Variants in TRDN observed in about 807,000 individuals in gnomAD.
TRDN encodes triadin.
Under a neutral mutation model 149.7 loss-of-function variants are expected in TRDN, and 161 were observed. The ratio of observed to expected loss-of-function variants is 1.08; its 90% CI spans 0.95 to 1.23. The LOEUF is 1.23. Ranked by LOEUF, TRDN falls within the 50% of genes most tolerant of loss-of-function variation. The pLI, the probability that TRDN is intolerant of heterozygous loss-of-function variation, is 0.00. For synonymous variants in TRDN, 294 were observed against 250.5 expected (o/e 1.17, Z -1.64); for missense variants, 896 against 823.5 (o/e 1.09, Z -1.08).
Position 123,327,935 on chromosome 6 carries a change from A to T in TRDN, c.1471+3944T>A, listed in dbSNP as rs142199566. ...TTTGTAATGCTATATAAATGCATAT[A>T]TGTGATCATATTACACATATTCATG... On this transcript the variant is annotated intron_variant, in intron 23 of 40. Transcript: ENST00000334268. Among the ~76,000 whole-genome samples, 5 of 152,318 alleles carry T rather than the reference A, an allele frequency of 3.3e-5. No individual in the cohort carries two copies. In the East Asian group the frequency reaches 9.6e-4, roughly 29 times the overall value.
chr6:123,490,881 G>C (rs768173939), intron 9 of TRDN, among the ~76,000 whole-genome samples: 1 of 152,264 alleles, frequency 6.6e-6, no homozygotes, highest in East Asian at 1.9e-4. Context: ...GAGGTGGGCG[G>C]ATCACGAGGT....
chr6:123,355,255 TA>T (rs1160847496), intron 20 of TRDN, among the ~76,000 whole-genome samples: 1 of 151,664 alleles, frequency 6.6e-6, no homozygotes, highest in African/African-American at 2.4e-5. Flanking sequence ...TGGTTTACGT[TA>T]ACAGGAGTTT....
chr6:123,312,092 G>A (rs1397298949), intron 24 of TRDN, among the ~76,000 whole-genome samples: 1 of 151,952 alleles, frequency 6.6e-6, no homozygotes, highest in Non-Finnish European at 1.5e-5. Flanking sequence ...ATCTGACAGA[G>A]GGGTTCCAGT....
intron 5 of TRDN, among the ~76,000 whole-genome samples, chr6:123,524,385 AC>A (rs3841281): frequency 0.32 from 48,362 of 151,986 alleles, 8,006 homozygotes; most frequent in Admixed American, 0.45. Flanking sequence ...AAATTAATTA[AC>A]CACTTGGGCT....
At chr6:123,620,340 T>A (rs1785316843) in intron 1 of TRDN, among the ~76,000 whole-genome samples, 1 of 152,112 alleles carries the variant, frequency 6.6e-6, no homozygotes, top group Non-Finnish European at 1.5e-5. Context: ...CCCTTTCCAA[T>A]AAGTGCCCAG....
rs1445267309 is a variant in TRDN at position 123,597,405 on chromosome 6, A to G, written c.23-26273T>C. Among the ~76,000 whole-genome samples the G allele has an allele frequency of 2.6e-5, 4 of 152,228 alleles. No individual in the cohort carries two copies. In the East Asian group the frequency reaches 5.8e-4, roughly 22 times the overall value. ...TACTGCTGGTAAAGATGCTGTGAAC[A>G]CTGTTGAAATGACAACAAAGGATTT... On this transcript the variant is annotated intron_variant, in intron 1 of 40. Coordinates refer to ENST00000334268, the MANE Select transcript of TRDN (RefSeq NM_006073.4).
Position 123,252,417 on chromosome 6 carries a change from A to G in TRDN, c.1970T>C (p.Val657Ala). 1 of 1,520,506 alleles carries G rather than the reference A, an allele frequency of 6.6e-7. No individual in the cohort carries two copies. 94.2% of individuals were successfully genotyped at this position (1,520,506 alleles called of 1,614,324 possible). ...TTAATACAAACCGTACTTACTTGAT[A>G]CTCTTGCAGGTTTTTCTGCTAAAAA... The part of the protein sequence containing the change: ...NVTKAEKPAR[V>A]SKDVEDVPAS... The change falls in exon 38 of 41, where the codon GTA becomes GCA. Residue 657 changes from valine (V) to alanine (A), a missense_variant. By Grantham distance (64) the Val-to-Ala change is moderately conservative. Coordinates refer to ENST00000334268, the MANE Select transcript of TRDN (RefSeq NM_006073.4).
At chr6:123,267,796 G>A in intron 31 of TRDN, 45 bp from the exon 32 acceptor site, 2 of 1,464,618 alleles carry the variant, frequency 1.4e-6, no homozygotes, top group Non-Finnish European at 1.8e-6. Context: ...TGGATTCTTT[G>A]GCAAATATTT....
intron 21 of TRDN, chr6:123,351,348 A>T (rs913578954): frequency 8.6e-5 from 84 of 971,326 alleles, no homozygotes; most frequent in East Asian, 2.3e-4. Flanking sequence ...TTTATTTTTT[A>T]AAAAAATAAA....
At chr6:123,628,018 C>T (rs539890294) in intron 1 of TRDN, among the ~76,000 whole-genome samples, 129 of 152,280 alleles carry the variant, frequency 8.5e-4, no homozygotes, top group Admixed American at 2.4e-3. Flanking sequence ...ATCCAGACCA[C>T]TAAAACTTTC....
intron 38 of TRDN, among the ~76,000 whole-genome samples, chr6:123,226,569 C>T (rs768543395): frequency 9.9e-5 from 15 of 151,938 alleles, no homozygotes; most frequent in South Asian, 2.1e-4. Flanking sequence ...CTGGCAAGAG[C>T]TGAGTCACAT....
intron 20 of TRDN, among the ~76,000 whole-genome samples, chr6:123,365,098 A>G (rs1351692992): frequency 6.6e-6 from 1 of 152,214 alleles, no homozygotes; most frequent in African/African-American, 2.4e-5. Flanking sequence ...TATAAGAAAA[A>G]GAAATGACTA....
At chr6:123,278,243 A>G in intron 26 of TRDN, 75 bp downstream of exon 26, 1 of 1,013,324 alleles carries the variant, frequency 9.9e-7, no homozygotes, top group Admixed American at 4.0e-5. Context: ...CTAGGACATG[A>G]CATTTGCAAA....
At chr6:123,463,356 A>T (rs377499625) in intron 10 of TRDN, among the ~76,000 whole-genome samples, 14 of 141,452 alleles carry the variant, frequency 9.9e-5, no homozygotes, top group South Asian at 4.8e-4. Context: ...AAAAAAATAA[A>T]TAATAAATAA....
chr6:123,346,183 C>T (rs1312233030), intron 21 of TRDN, among the ~76,000 whole-genome samples: 1 of 151,834 alleles, frequency 6.6e-6, no homozygotes, highest in Non-Finnish European at 1.5e-5. Context: ...AATTATTTAC[C>T]AAGTTTAAGA....
intron 9 of TRDN, chr6:123,489,568 G>C (rs1273135837): frequency 6.6e-6 from 1 of 152,098 alleles, no homozygotes; most frequent in Non-Finnish European, 1.5e-5. Context: ...ATTATATCTT[G>C]TAATTACCAT....
chr6:123,372,384 C>T (rs543128934), intron 19 of TRDN, among the ~76,000 whole-genome samples: 30 of 152,148 alleles, frequency 2.0e-4, no homozygotes, highest in Admixed American at 5.9e-4. Context: ...TAGTCAGGCT[C>T]GGTGGCTGAA....
Position 123,316,486 on chromosome 6 carries a change from GT to G in TRDN, c.1480del (p.Thr494LeufsTer52). The G allele has an allele frequency of 6.2e-7, 1 of 1,610,040 alleles. No individual in the cohort carries two copies. The highest frequency in any genetic ancestry group is 1.1e-5 in the South Asian group (1 of 90,934). On this transcript the variant is annotated frameshift_variant, in exon 24 of 41. Transcript: ENST00000334268. LOFTEE classifies it high-confidence loss of function. ...PASLKEKEPETKKDEKMSKAG... is the reference protein window; with the variant it reads ...PASLKEKEPEXKKDEKMSKAG... ...TTTGGACATCTTTTCATCTTTTTTA[GT>G]TTCAGGTTCTGGGGCAAAACGTACA...
chr6:123,221,748 C>T (rs764471964), intron 39 of TRDN, among the ~76,000 whole-genome samples: 4 of 151,608 alleles, frequency 2.6e-5, no homozygotes, highest in South Asian at 2.1e-4. Flanking sequence ...AAAAATGTCA[C>T]GCTACAAACA....
Sources: gnomAD v4.1 joint callset for allele counts (sites outside exome capture counted in the v4.1 genomes callset) on GRCh38, gnomAD v4.1.1 for gene constraint, MANE v1.5 for transcripts, NCBI Gene and HGNC (gene_info 2026-07-23, HGNC 2026-07-21) for gene names.